NEU3: variants seen among roughly 807,000 people sequenced by gnomAD.
NEU3 encodes sialidase-3.
In NEU3, 10 loss-of-function variants were observed where a neutral mutation model predicts 11.4. That is an observed-to-expected ratio of 0.88 (90% CI 0.54 to 1.49). The LOEUF is 1.49. Ranked by LOEUF, NEU3 falls within the 40% of genes most tolerant of loss-of-function variation. The pLI, the probability that NEU3 is intolerant of heterozygous loss-of-function variation, is 0.00. For synonymous variants in NEU3, 212 were observed against 228.2 expected (o/e 0.93, Z 0.64); for missense variants, 529 against 581.8 (o/e 0.91, Z 0.93).
At chr11:74,999,757 CTATAAT>C (rs1191590527) in intron 2 of NEU3, among the ~76,000 whole-genome samples, 3 of 152,204 alleles carry the variant, frequency 2.0e-5, no homozygotes, top group African/African-American at 7.2e-5. Context: ...CTCTACTTCT[CTATAAT>C]TACCCATTGG....
At chr11:75,016,736 A>T (rs1366361148) in intron 3 of NEU3, among the ~76,000 whole-genome samples, 1 of 152,176 alleles carries the variant, frequency 6.6e-6, no homozygotes, top group Non-Finnish European at 1.5e-5. Flanking sequence ...GCTTTATGGC[A>T]TTGAAGTGAC....
In NEU3 at chr11:75,009,914, C is replaced by G. The variant is rs774200791; in HGVS notation, c.*3422C>G. 1.3e-5 allele frequency: 2 copies of G among 152,288 alleles called. No individual in the cohort carries two copies. Among genetic ancestry groups the G allele is most frequent in the Non-Finnish European group, 2.9e-5 (2 of 68,080 alleles). The allele number at this position is 152,288 out of a possible 1,614,324, so 9.4% of individuals were successfully genotyped here. A position where few individuals can be genotyped will look rare whatever the true frequency, so the allele number is the denominator to read the frequency against. On this transcript the variant is annotated 3_prime_UTR_variant, in exon 3 of 3. Transcript: ENST00000294064. The stretch of plus-strand genomic sequence containing the variant: ...AGCAGCTTCAGCCACGGGTAAGAGG[C>G]TTTTCACCCTGCCTGTTGGGTAGCC...
At chr11:75,014,353 G>A (rs1738624862), downstream of NEU3, among the ~76,000 whole-genome samples, 1 of 152,088 alleles carries the variant, frequency 6.6e-6, no homozygotes, top group African/African-American at 2.4e-5. Flanking sequence ...ATTCTGTTTG[G>A]GACTACAGCC....
chr11:74,992,362 C>T (rs548978579), intron 1 of NEU3, among the ~76,000 whole-genome samples: 45 of 152,354 alleles, frequency 3.0e-4, no homozygotes, highest in Admixed American at 4.6e-4. Flanking sequence ...GCAGGAACCT[C>T]TGATCCTTCT....
At chr11:74,988,756 G>A (rs1289802961), upstream of NEU3, 1 of 440,332 alleles carries the variant, frequency 2.3e-6, no homozygotes, top group African/African-American at 2.1e-5. Context: ...GAGTTGGCGA[G>A]GGTGGAGGTG....
intron 3 of NEU3, among the ~76,000 whole-genome samples, chr11:75,018,346 G>A (rs544821507): frequency 4.1e-4 from 62 of 152,188 alleles, no homozygotes; most frequent in African/African-American, 1.4e-3. Context: ...TGTCTGTGAG[G>A]GTGTTGCCGA....
At position 74,994,527 on chromosome 11, in the gene NEU3, C is replaced by G. The variant is rs200652527; in HGVS notation, c.113C>G (p.Thr38Arg). ...CTTGCAGAGGTCATGGAAGAAGTGA[C>G]AACATGCTCCTTCAACAGCCCTCTG... ...GSSAEVMEEVTTCSFNSPLFR... is the reference protein window; with the variant it reads ...GSSAEVMEEVRTCSFNSPLFR... The change falls in exon 2 of 3, where the codon ACA becomes AGA. Residue 38 changes from threonine (T) to arginine (R), a missense_variant. Transcript: ENST00000294064. 1.2e-6 allele frequency: 2 copies of G among 1,611,344 alleles called. No homozygotes were observed. Among genetic ancestry groups the G allele is most frequent in the East Asian group, 4.5e-5 (2 of 44,864 alleles).
At chr11:75,002,928 C>T (rs1357465952) in intron 2 of NEU3, among the ~76,000 whole-genome samples, 1 of 152,120 alleles carries the variant, frequency 6.6e-6, no homozygotes, top group East Asian at 1.9e-4. Context: ...AGTATTCTAT[C>T]GTATGAACAT....
chr11:74,989,615 T>A (rs1948709254), intron 1 of NEU3, among the ~76,000 whole-genome samples: 1 of 152,108 alleles, frequency 6.6e-6, no homozygotes, highest in Non-Finnish European at 1.5e-5. Context: ...AAATATTACT[T>A]GTTAGGAGTG....
intron 2 of NEU3, among the ~76,000 whole-genome samples, chr11:75,001,058 C>T (rs994115703): frequency 5.9e-5 from 9 of 151,928 alleles, no homozygotes; most frequent in African/African-American, 1.7e-4. Flanking sequence ...GTGGCTACAC[C>T]ATTTTATATT....
the NEU3 span, among the ~76,000 whole-genome samples, chr11:74,981,571 C>G: frequency 6.6e-6 from 1 of 152,036 alleles, no homozygotes; most frequent in African/African-American, 2.4e-5. Flanking sequence ...CCATGGGCAG[C>G]TGGTGCAAAC....
chr11:75,010,707 T>G lies in NEU3; in HGVS notation c.*4215T>G, dbSNP rs1160689452. The G allele has an allele frequency of 6.6e-6, 1 of 152,198 alleles. No homozygotes were observed. The highest frequency in any genetic ancestry group is 2.4e-5 in the African/African-American group (1 of 41,448). The allele number at this position is 152,198 out of a possible 1,614,324, so 9.4% of individuals were successfully genotyped here. On this transcript the variant is annotated 3_prime_UTR_variant, in exon 3 of 3. Transcript: ENST00000294064. ...CCAAGCCTTGATTTGGGGTTCTCAC[T>G]TCACTGGTATTTTCCCTCTGTCCCT...
chr11:75,011,530 A>AAACATC (rs1294958323), downstream of NEU3, among the ~76,000 whole-genome samples: 1 of 152,176 alleles, frequency 6.6e-6, no homozygotes, highest in African/African-American at 2.4e-5. Flanking sequence ...AATCACAGAA[A>AAACATC]AACATCCTTG....
At chr11:74,991,895 G>A (rs1272594188) in intron 1 of NEU3, among the ~76,000 whole-genome samples, 1 of 152,216 alleles carries the variant, frequency 6.6e-6, no homozygotes, top group African/African-American at 2.4e-5. Context: ...AGTTCTAGGT[G>A]TCAAGGCGGA....
the NEU3 span, among the ~76,000 whole-genome samples, chr11:74,982,487 CAG>C: frequency 3.9e-5 from 6 of 152,196 alleles, no homozygotes; most frequent in Admixed American, 3.9e-4. Flanking sequence ...CCTCTCCCAA[CAG>C]TGTCTCCAGT....
Position 75,006,600 on chromosome 11 carries a change from C to G in NEU3, c.*108C>G. The G allele has an allele frequency of 7.6e-7, 1 of 1,321,456 alleles. No individual in the cohort carries two copies. Among genetic ancestry groups the G allele is most frequent in the Non-Finnish European group, 1.0e-6 (1 of 991,402 alleles). The allele number at this position is 1,321,456 out of a possible 1,614,324, so 81.9% of individuals were successfully genotyped here. A position where few individuals can be genotyped will look rare whatever the true frequency, so the allele number is the denominator to read the frequency against. On this transcript the variant is annotated 3_prime_UTR_variant, in exon 3 of 3. Transcript: ENST00000294064. ...AAAAACTTAATATTCTGTTCCCTAC[C>G]TTTTTTCACTTTTCCTCCTCCAAAG...
At chr11:74,983,760 T>A (rs990458739), upstream of NEU3, among the ~76,000 whole-genome samples, 1 of 152,210 alleles carries the variant, frequency 6.6e-6, no homozygotes, top group Non-Finnish European at 1.5e-5. Context: ...GGTGATAGAA[T>A]TGCTCTTCCT....
intron 1 of NEU3, among the ~76,000 whole-genome samples, chr11:74,992,610 A>G (rs1249000107): frequency 1.3e-5 from 2 of 152,172 alleles, no homozygotes; most frequent in African/African-American, 4.8e-5. Context: ...GAATACTTGG[A>G]GACTCCATTG....
intron 1 of NEU3, among the ~76,000 whole-genome samples, chr11:74,991,470 G>T (rs1460496985): frequency 2.6e-5 from 4 of 152,198 alleles, no homozygotes; most frequent in African/African-American, 9.7e-5. Context: ...GGAGGCTGTA[G>T]CCAAAAGCAG....
Sources: gnomAD v4.1 joint callset for allele counts (sites outside exome capture counted in the v4.1 genomes callset) on GRCh38, gnomAD v4.1.1 for gene constraint, MANE v1.5 for transcripts, NCBI Gene and HGNC (gene_info 2026-07-23, HGNC 2026-07-21) for gene names.